ANKRD39: variants seen among roughly 807,000 people sequenced by gnomAD.
ANKRD39 encodes ankyrin repeat domain-containing protein 39.
A neutral mutation model predicts 20.3 loss-of-function variants in ANKRD39; 18 were observed. The ratio of observed to expected loss-of-function variants is 0.89; its 90% CI spans 0.61 to 1.32. ANKRD39 has a LOEUF of 1.32. Among genes scored for constraint, ANKRD39 ranks in the 40% most tolerant of loss-of-function variants. The probability of loss-of-function intolerance (pLI) is 0.00; values close to 1 mark genes in which losing one functional copy is unlikely to be tolerated. For missense variants in ANKRD39, 243 were observed against 250.7 expected, an observed-to-expected ratio of 0.97 and a Z score of 0.21; for synonymous variants, 106 against 111.9, an observed-to-expected ratio of 0.95 and a Z score of 0.33.
At chr2:96,856,861 C>A (rs145623946) in intron 1 of ANKRD39, among the ~76,000 whole-genome samples, 7 of 152,266 alleles carry the variant, frequency 4.6e-5, no homozygotes, top group African/African-American at 1.4e-4. Flanking sequence ...GTCCAACGGC[C>A]TTAACTCAGG....
chr2:96,851,313 C>T (rs983581535), intron 3 of ANKRD39, among the ~76,000 whole-genome samples: 3 of 152,144 alleles, frequency 2.0e-5, no homozygotes, highest in Non-Finnish European at 2.9e-5. Flanking sequence ...CGTGCTACCA[C>T]GCCCGCCTAA....
intron 3 of ANKRD39, among the ~76,000 whole-genome samples, chr2:96,851,453 G>A (rs1470905638): frequency 6.6e-6 from 1 of 152,118 alleles, no homozygotes; most frequent in Non-Finnish European, 1.5e-5. Flanking sequence ...ACCACACCCG[G>A]CCTAATTTTT....
At chr2:96,855,638 G>T (rs563801007) in intron 1 of ANKRD39, among the ~76,000 whole-genome samples, 6 of 151,594 alleles carry the variant, frequency 4.0e-5, no homozygotes, top group Non-Finnish European at 7.4e-5. Context: ...CAGAAGAATC[G>T]CGTGAACCCA....
chr2:96,857,999 C>T lies in ANKRD39; in HGVS notation c.-12G>A. 2 of 1,520,678 alleles carry T rather than the reference C, an allele frequency of 1.3e-6. No homozygotes were observed. The highest frequency in any genetic ancestry group is 1.2e-5 in the South Asian group (1 of 82,140). The allele number at this position is 1,520,678 out of a possible 1,614,324, so 94.2% of individuals were successfully genotyped here. A position where few individuals can be genotyped will look rare whatever the true frequency, so the allele number is the denominator to read the frequency against. On this transcript the variant is annotated 5_prime_UTR_variant, in exon 1 of 4. Coordinates refer to ENST00000393537, the MANE Select transcript of ANKRD39 (RefSeq NM_016466.6). ...CGAGGCGTCGCCATCCCGGCCCCGG[C>T]GTCAGTCGATCCGCCCCGGGTCTCA... is the stretch of plus-strand genomic sequence containing the variant.
chr2:96,853,601 A>T lies in ANKRD39; in HGVS notation c.208T>A (p.Tyr70Asn). The T allele has an allele frequency of 6.2e-7, 1 of 1,611,716 alleles. No homozygotes were observed. Among genetic ancestry groups the T allele is most frequent in the Non-Finnish European group, 8.5e-7 (1 of 1,179,794 alleles). The stretch of plus-strand genomic sequence containing the variant: ...GCGTAGTGCCCATTGCGGCTGGCAT[A>T]GTGCTGCAGGGAACAGAGACCGAGG... ...PDSAGYTALH[Y>N]ASRNGHYAVC... The change falls in exon 3 of 4, where the codon TAT becomes AAT. Residue 70 changes from tyrosine (Y) to asparagine (N), a missense_variant. Coordinates refer to ENST00000393537, the MANE Select transcript of ANKRD39 (RefSeq NM_016466.6).
intron 1 of ANKRD39, 134 bp from the exon 2 acceptor site, chr2:96,854,575 C>T (rs2079854157): frequency 1.2e-6 from 1 of 838,514 alleles, no homozygotes; most frequent in East Asian, 2.7e-5. Context: ...CCGAGCACCT[C>T]CTCTGTGTCA....
intron 1 of ANKRD39, 34 bp downstream of exon 1, chr2:96,857,854 G>A (rs1287394027): frequency 1.3e-6 from 2 of 1,541,616 alleles, no homozygotes; most frequent in Non-Finnish European, 1.7e-6. Flanking sequence ...GCCGGGGCCT[G>A]GTGAGAACCA....
At chr2:96,850,648 G>A (rs1032882839) in intron 3 of ANKRD39, among the ~76,000 whole-genome samples, 3 of 151,060 alleles carry the variant, frequency 2.0e-5, no homozygotes, top group Non-Finnish European at 2.9e-5. Context: ...CTGGGCAACA[G>A]AGCGAGACTC....
chr2:96,857,652 C>G (rs1257702686), intron 1 of ANKRD39, among the ~76,000 whole-genome samples: 1 of 152,272 alleles, frequency 6.6e-6, no homozygotes, highest in African/African-American at 2.4e-5. Flanking sequence ...TTACGGAAAC[C>G]AGTGCTTCCG....
intron 1 of ANKRD39, among the ~76,000 whole-genome samples, chr2:96,855,646 C>G (rs2153360034): frequency 6.6e-6 from 1 of 151,456 alleles, no homozygotes; most frequent in East Asian, 1.9e-4. Flanking sequence ...TCGCGTGAAC[C>G]CAGGAGGCAG....
intron 3 of ANKRD39, among the ~76,000 whole-genome samples, chr2:96,849,718 T>C (rs891203652): frequency 1.1e-4 from 17 of 152,170 alleles, no homozygotes; most frequent in Admixed American, 1.3e-4. Flanking sequence ...CTCGAGCTCC[T>C]GAACTCAAGC....
intron 3 of ANKRD39, among the ~76,000 whole-genome samples, chr2:96,850,886 A>G (rs1476120879): frequency 1.3e-5 from 2 of 152,188 alleles, no homozygotes; most frequent in Non-Finnish European, 2.9e-5. Flanking sequence ...AAAATAAACA[A>G]TCTGTCTATC....
intron 1 of ANKRD39, among the ~76,000 whole-genome samples, chr2:96,857,663 C>T (rs749056222): frequency 7.2e-5 from 11 of 152,280 alleles, no homozygotes; most frequent in Non-Finnish European, 1.6e-4. Context: ...AGTGCTTCCG[C>T]TTCCCCGCCG....
At chr2:96,851,097 G>A (rs886181814) in intron 3 of ANKRD39, among the ~76,000 whole-genome samples, 5 of 152,076 alleles carry the variant, frequency 3.3e-5, no homozygotes, top group Admixed American at 6.5e-5. Context: ...GGATTCAAGC[G>A]ATTCTCGTGC....
intron 1 of ANKRD39, among the ~76,000 whole-genome samples, chr2:96,855,172 G>C (rs1290297616): frequency 2.0e-5 from 3 of 152,188 alleles, no homozygotes; most frequent in Non-Finnish European, 4.4e-5. Flanking sequence ...TCCAAAGTGA[G>C]CCATTATTGC....
intron 1 of ANKRD39, among the ~76,000 whole-genome samples, chr2:96,856,074 T>G (rs113649582): frequency 5.3e-5 from 8 of 152,362 alleles, no homozygotes; most frequent in African/African-American, 1.9e-4. Context: ...GTGACAACAG[T>G]AGCTAAAACT....
chr2:96,856,401 G>A (rs899065834), intron 1 of ANKRD39, among the ~76,000 whole-genome samples: 1 of 151,302 alleles, frequency 6.6e-6, no homozygotes, highest in African/African-American at 2.4e-5. Flanking sequence ...CCCAGGAGGC[G>A]GAGGCTGCAG....
intron 1 of ANKRD39, among the ~76,000 whole-genome samples, chr2:96,855,766 A>G (rs1411451208): frequency 2.6e-5 from 4 of 151,910 alleles, no homozygotes; most frequent in African/African-American, 4.8e-5. Flanking sequence ...TCACGAGGTC[A>G]GGAGATCAAG....
At chr2:96,857,681 G>A (rs1345917285) in intron 1 of ANKRD39, among the ~76,000 whole-genome samples, 2 of 152,262 alleles carry the variant, frequency 1.3e-5, no homozygotes, top group African/African-American at 4.8e-5. Flanking sequence ...CCGCCCGCGG[G>A]ACAGGTGTCT....
Sources: allele counts gnomAD v4.1 joint callset (sites outside exome capture counted in the v4.1 genomes callset), GRCh38; gene constraint gnomAD v4.1.1; transcripts MANE v1.5; gene names NCBI Gene and HGNC (gene_info 2026-07-23, HGNC 2026-07-21).